Variants in TCIRG1 observed in about 807,000 individuals in gnomAD.
TCIRG1 encodes the protein V-type proton ATPase 116 kDa subunit a 3.
Under a neutral mutation model 95.5 loss-of-function variants are expected in TCIRG1, and 86 were observed. The observed-to-expected ratio is 0.90, with a 90% CI of 0.76 to 1.08. The LOEUF is 1.08. Ranked by LOEUF, TCIRG1 falls within the 50% of genes least tolerant of loss-of-function variation. TCIRG1 has a pLI of 0.00. For synonymous variants in TCIRG1, 499 were observed against 501.3 expected (o/e 1.00, Z 0.06); for missense variants, 1,069 against 1,140.2 (o/e 0.94, Z 0.90).
Position 68,048,351 on chromosome 11 carries a change from T to G in TCIRG1, c.1554+379T>G, listed in dbSNP as rs988667457. 2.3e-5 allele frequency: 8 copies of G among 352,708 alleles called. No individual in the cohort carries two copies. The Admixed American group carries it at 3.3e-4, about 14-fold the overall frequency. 21.8% of individuals were successfully genotyped at this position (352,708 alleles called of 1,614,324 possible). On this transcript the variant is annotated intron_variant, in intron 13 of 19. Coordinates refer to ENST00000265686, the MANE Select transcript of TCIRG1 (RefSeq NM_006019.4). ...TTCTGTTGCCCAGGCTGGAGTGCAG[T>G]GGTGTGATCTTGGCTCACTGCAACC... is the stretch of plus-strand genomic sequence containing the variant.
At chr11:68,052,623 A>T (rs1354320763), downstream of TCIRG1, among the ~76,000 whole-genome samples, 1 of 152,194 alleles carries the variant, frequency 6.6e-6, no homozygotes, top group Non-Finnish European at 1.5e-5. Context: ...AACGTCCTCC[A>T]GGGCTCTTCG....
At chr11:68,049,398 CA>C in intron 15 of TCIRG1, 104 bp downstream of exon 15, 1 of 1,266,780 alleles carries the variant, frequency 7.9e-7, no homozygotes. Context: ...AACGGGGATG[CA>C]GGCCCCGGGC....
At chr11:68,046,980 GT>G (rs1855517935) in intron 10 of TCIRG1, 1 of 452,404 alleles carries the variant, frequency 2.2e-6, no homozygotes, top group Non-Finnish European at 4.4e-6. Context: ...CTGGGCCAAG[GT>G]CACACAGCTC....
At chr11:68,045,639 C>T (rs1394074722) in intron 10 of TCIRG1, among the ~76,000 whole-genome samples, 8 of 152,028 alleles carry the variant, frequency 5.3e-5, no homozygotes, top group Middle Eastern at 6.8e-3. Context: ...CTGAAACCTC[C>T]GCCTCCCAGG....
At chr11:68,043,936 G>A (rs751936992) in intron 8 of TCIRG1, 29 bp downstream of exon 8, 1 of 1,507,516 alleles carries the variant, frequency 6.6e-7, no homozygotes, top group African/African-American at 1.4e-5. Context: ...CCGGAGGCGG[G>A]TGTAGGAGGT....
At chr11:68,041,955 C>T in intron 3 of TCIRG1, 124 bp downstream of exon 3, 2 of 856,356 alleles carry the variant, frequency 2.3e-6, no homozygotes, top group South Asian at 2.9e-5. Flanking sequence ...ATATGCAGGG[C>T]CCTGCAGGGC....
intron 5 of TCIRG1, 100 bp downstream of exon 5, chr11:68,043,131 C>T: frequency 1.3e-6 from 2 of 1,538,586 alleles, no homozygotes; most frequent in Non-Finnish European, 1.8e-6. Flanking sequence ...GTCCAGTGCT[C>T]TCCCCAGGCT....
chr11:68,049,342 C>T, intron 15 of TCIRG1, 48 bp downstream of exon 15: 1 of 1,548,462 alleles, frequency 6.5e-7, no homozygotes, highest in Non-Finnish European at 8.7e-7. Flanking sequence ...TCATGGGGAC[C>T]CCGCGGTCAC....
chr11:68,041,463 G>GA, intron 2 of TCIRG1, 75 bp downstream of exon 2: 1 of 1,097,410 alleles, frequency 9.1e-7, no homozygotes, highest in Non-Finnish European at 1.4e-6. Flanking sequence ...GATGGGGACT[G>GA]CCCCCCCTCC....
At chr11:68,039,698 A>AG (rs1054657646) in intron 1 of TCIRG1, 3 of 152,198 alleles carry the variant, frequency 2.0e-5, no homozygotes, top group Admixed American at 6.5e-5. Context: ...GCGGGGACCA[A>AG]GGGGGACAGG....
At chr11:68,050,374 A>G (rs1438984331) in intron 18 of TCIRG1, 113 bp from the exon 19 acceptor site, 3 of 1,603,812 alleles carry the variant, frequency 1.9e-6, no homozygotes, top group East Asian at 2.2e-5. Flanking sequence ...GGACTGTCCA[A>G]GGAGGTCCCT....
At position 68,047,761 on chromosome 11, in the gene TCIRG1, T is replaced by G. The variant is rs756009951; in HGVS notation, c.1420T>G (p.Ser474Ala). 25 of 1,613,116 alleles carry G rather than the reference T, an allele frequency of 1.5e-5. No homozygotes were observed. The Admixed American group carries it at 4.0e-4, about 26-fold the overall frequency. Residue 474 changes from serine (S) to alanine (A), a missense_variant, in exon 12 of 20, where the codon TCG (serine) becomes GCG (alanine). By Grantham distance (99) the Ser-to-Ala change is moderately conservative. Transcript: ENST00000265686. ...CFSRATSIFP[S>A]GWSVAAMANQ... Reference sequence around the variant, plus strand: ...CAGTCGCGCCACCAGCATCTTCCCCTCGGGCTGGAGTGTGGCCGCCATGGC... The same window carrying G: ...CAGTCGCGCCACCAGCATCTTCCCCGCGGGCTGGAGTGTGGCCGCCATGGC...
intron 13 of TCIRG1, 186 bp from the exon 14 acceptor site, chr11:68,048,693 A>G: frequency 1.4e-6 from 1 of 691,902 alleles, no homozygotes; most frequent in Middle Eastern, 3.7e-4. Context: ...GCCCAAGGTC[A>G]CCCAGGCTGG....
At chr11:68,039,605 T>C (rs887423483) in intron 1 of TCIRG1, among the ~76,000 whole-genome samples, 1 of 151,304 alleles carries the variant, frequency 6.6e-6, no homozygotes, top group African/African-American at 2.4e-5. Flanking sequence ...GGGTGAGGAG[T>C]GGGCTGGAGC....
Position 68,044,154 on chromosome 11 carries a change from T to A in TCIRG1, c.830T>A (p.Phe277Tyr). Residue 277 changes from phenylalanine to tyrosine, a missense_variant, in exon 9 of 20, where the codon TTC becomes TAC. Coordinates refer to ENST00000265686, the MANE Select transcript of TCIRG1 (RefSeq NM_006019.4). ...LQEVLGETER[F>Y]LSQVLGRVLQ... ...CAGGTCCTCGGGGAGACAGAGCGGT[T>A]CCTGAGCCAGGTGCTAGGCCGGGTG... 1.9e-6 allele frequency: 3 copies of A among 1,550,886 alleles called. No homozygotes were observed. Among genetic ancestry groups the A allele is most frequent in the Non-Finnish European group, 2.6e-6 (3 of 1,147,700 alleles).
rs3075230 is a variant in TCIRG1 at position 68,047,252 on chromosome 11, GCCCCCCC to G, written c.1166-172_1166-166del. On this transcript the variant is annotated intron_variant, in intron 10 of 19. Coordinates refer to ENST00000265686, the MANE Select transcript of TCIRG1 (RefSeq NM_006019.4). ...TCTCGAACTCCTGACCTCGGGTGAT[GCCCCCCC>G]CCCCCCCCGTCTCGGCCTCCCAGAG... Among the ~76,000 whole-genome samples the G allele has an allele frequency of 5.7e-4, 16 of 28,088 alleles. 5 individuals carry two copies. The highest frequency in any genetic ancestry group is 0.017 in the Middle Eastern group (1 of 60). 18.4% of individuals were successfully genotyped at this position (28,088 alleles called of 152,430 possible).
At chr11:68,046,251 G>C in intron 10 of TCIRG1, among the ~76,000 whole-genome samples, 1 of 152,200 alleles carries the variant, frequency 6.6e-6, no homozygotes, top group East Asian at 1.9e-4. Flanking sequence ...TGATGCCTGT[G>C]ATCTCAGCAC....
Position 68,047,970 on chromosome 11 carries a change from C to G in TCIRG1, c.1552C>G (p.Pro518Ala). The G allele has an allele frequency of 6.2e-7, 1 of 1,613,388 alleles. No individual in the cohort carries two copies. The highest frequency in any genetic ancestry group is 8.5e-7 in the Non-Finnish European group (1 of 1,179,696). ...GGGACCCTACCCCTTTGGCATCGATCCTGTGAGTCCTGGGATGGAGTGTCC... is the reference window on the plus strand; with the variant it reads ...GGGACCCTACCCCTTTGGCATCGATGCTGTGAGTCCTGGGATGGAGTGTCC... ...FLGPYPFGID[P>A]IWSLAANHLS... is the part of the protein sequence containing the mutation. Residue 518 changes from proline (P) to alanine (A), a missense_variant and splice_region_variant, in exon 13 of 20, where the codon CCT becomes GCT. Transcript: ENST00000265686.
chr11:68,047,902 A>C lies in TCIRG1; in HGVS notation c.1484A>C (p.His495Pro), dbSNP rs201443254. 1.2e-6 allele frequency: 2 copies of C among 1,613,684 alleles called. No individual in the cohort carries two copies. The highest frequency in any genetic ancestry group is 1.7e-6 in the Non-Finnish European group (2 of 1,179,994). Residue 495 changes from histidine to proline, a missense_variant, in exon 13 of 20, where the codon CAC becomes CCC. Coordinates refer to ENST00000265686, the MANE Select transcript of TCIRG1 (RefSeq NM_006019.4). Reference protein sequence around the residue: ...SGWSDAFLAQHTMLTLDPNVT... With the variant: ...SGWSDAFLAQPTMLTLDPNVT... Reference sequence around the variant, plus strand: ...CGCAGTGATGCATTCCTGGCCCAGCACACGATGCTTACCCTGGATCCCAAC... The same window carrying C: ...CGCAGTGATGCATTCCTGGCCCAGCCCACGATGCTTACCCTGGATCCCAAC...
Sources: allele counts gnomAD v4.1 joint callset (sites outside exome capture counted in the v4.1 genomes callset), GRCh38; gene constraint gnomAD v4.1.1; transcripts MANE v1.5; gene names NCBI Gene and HGNC (gene_info 2026-07-23, HGNC 2026-07-21).